The following CNTN1 variants were observed in gnomAD, a reference collection of about 807,000 sequenced individuals.
The protein encoded by CNTN1 is contactin 1.
CNTN1 carries 38 observed loss-of-function variants against 126.4 expected under a neutral mutation model. The observed-to-expected ratio is 0.30, with a 90% CI of 0.23 to 0.39. The LOEUF is 0.39. Among genes scored for constraint, CNTN1 ranks in the 10% least tolerant of loss-of-function variants. CNTN1 has a pLI of 1.00. For synonymous variants in CNTN1, 413 were observed against 422.6 expected, an observed-to-expected ratio of 0.98 and a Z score of 0.28; for missense variants, 1,009 against 1,248.4, an observed-to-expected ratio of 0.81 and a Z score of 2.89.
intron 1 of CNTN1, among the ~76,000 whole-genome samples, chr12:40,840,977 G>A (rs749404929): frequency 6.6e-6 from 1 of 151,450 alleles, no homozygotes; most frequent in Non-Finnish European, 1.5e-5. Context: ...ATGAAATAGA[G>A]ACTAAATAAA....
chr12:41,026,071 A>G lies in CNTN1; in HGVS notation c.2710+735A>G, dbSNP rs555635968. ...CAAGAACTAGAATTTGGTGTCTAACATGTGTTTGAGATCTGTCTCTGCCAC... is the reference window on the plus strand; with the variant it reads ...CAAGAACTAGAATTTGGTGTCTAACGTGTGTTTGAGATCTGTCTCTGCCAC... On this transcript the variant is annotated intron_variant, in intron 21 of 23. Transcript: ENST00000551295. Among the ~76,000 whole-genome samples the G allele has an allele frequency of 1.3e-4, 20 of 152,302 alleles. No individual in the cohort carries two copies. The South Asian group carries it at 3.9e-3, about 30-fold the overall frequency.
At chr12:40,871,911 T>A (rs572950769) in intron 1 of CNTN1, among the ~76,000 whole-genome samples, 1 of 152,010 alleles carries the variant, frequency 6.6e-6, no homozygotes, top group Non-Finnish European at 1.5e-5. Flanking sequence ...TATTGAGTGA[T>A]TTCTAGAAAT....
At chr12:40,847,718 AAGAAGTTGAATTAC>A (rs1178668582) in intron 1 of CNTN1, among the ~76,000 whole-genome samples, 2 of 152,202 alleles carry the variant, frequency 1.3e-5, no homozygotes, top group Non-Finnish European at 2.9e-5. Context: ...ATTCTTGAAT[AAGAAGTTGAATTAC>A]AGCCTGAAGG....
chr12:40,763,721 A>G (rs923685756), intron 1 of CNTN1, among the ~76,000 whole-genome samples: 46 of 152,210 alleles, frequency 3.0e-4, no homozygotes, highest in African/African-American at 9.6e-4. Flanking sequence ...CTTCAGAGCT[A>G]TGTAATATCC....
At chr12:40,713,146 T>A (rs1269202702) in intron 1 of CNTN1, among the ~76,000 whole-genome samples, 1 of 151,986 alleles carries the variant, frequency 6.6e-6, no homozygotes, top group Non-Finnish European at 1.5e-5. Flanking sequence ...TTTGCATTCA[T>A]TTCAAAACCA....
At chr12:40,880,023 T>C (rs1341298982) in intron 1 of CNTN1, among the ~76,000 whole-genome samples, 1 of 152,102 alleles carries the variant, frequency 6.6e-6, no homozygotes, top group East Asian at 1.9e-4. Flanking sequence ...CCAAGAATTT[T>C]AGTGCTAACT....
At chr12:40,970,789 G>C (rs1272880869) in intron 15 of CNTN1, among the ~76,000 whole-genome samples, 3 of 152,068 alleles carry the variant, frequency 2.0e-5, no homozygotes, top group African/African-American at 7.2e-5. Flanking sequence ...TATCCACTTT[G>C]CCTACCTAAC....
rs1174627978 is a variant in CNTN1, at chr12:41,043,893, G to A, written c.2980+14674G>A. Among the ~76,000 whole-genome samples, 7 of 145,648 alleles carry A rather than the reference G, an allele frequency of 4.8e-5. No homozygotes were observed. The East Asian group carries it at 8.2e-4, about 17-fold the overall frequency. The stretch of plus-strand genomic sequence containing the variant: ...AAATCATCATTCTCAGTAAACTATC[G>A]CAAGGACAAAAAACCAAACACCGCA... On this transcript the variant is annotated intron_variant, in intron 23 of 23. Coordinates refer to ENST00000551295, the MANE Select transcript of CNTN1 (RefSeq NM_001843.4).
chr12:40,924,158 C>G (rs1945547609), intron 5 of CNTN1, among the ~76,000 whole-genome samples: 1 of 152,102 alleles, frequency 6.6e-6, no homozygotes. Flanking sequence ...AAATACCCTT[C>G]AAATGAGTCC....
intron 1 of CNTN1, among the ~76,000 whole-genome samples, chr12:40,766,356 T>TAA (rs11381914): frequency 0.013 from 1,753 of 133,756 alleles, 22 homozygotes; most frequent in Middle Eastern, 0.018. Flanking sequence ...AACTCCGTCT[T>TAA]AAAAAAAAAA....
intron 23 of CNTN1, among the ~76,000 whole-genome samples, chr12:41,066,696 T>A (rs1566254428): frequency 1.3e-5 from 2 of 152,198 alleles, no homozygotes; most frequent in Admixed American, 6.5e-5. Flanking sequence ...AAAGGAAGTT[T>A]GTATTAAAAA....
chr12:41,054,658 T>C (rs1323933588), intron 23 of CNTN1, among the ~76,000 whole-genome samples: 1 of 152,068 alleles, frequency 6.6e-6, no homozygotes, highest in African/African-American at 2.4e-5. Context: ...ACAAATAAGG[T>C]ACTTCACATA....
At chr12:40,840,892 A>G (rs1183182202) in intron 1 of CNTN1, among the ~76,000 whole-genome samples, 1 of 151,924 alleles carries the variant, frequency 6.6e-6, no homozygotes. Flanking sequence ...CACAATCTAA[A>G]GGAACTAGAA....
chr12:41,003,456 T>A (rs1041448225), intron 17 of CNTN1, among the ~76,000 whole-genome samples: 20 of 152,276 alleles, frequency 1.3e-4, no homozygotes, highest in Admixed American at 2.0e-4. Flanking sequence ...GATGCTAGTC[T>A]CATAGAATGA....
At chr12:40,884,226 A>T (rs1943959037) in intron 1 of CNTN1, among the ~76,000 whole-genome samples, 2 of 150,368 alleles carry the variant, frequency 1.3e-5, no homozygotes, top group Non-Finnish European at 3.0e-5. Flanking sequence ...TTAATTACCC[A>T]TTTTTTTCTT....
chr12:40,884,723 G>A (rs972608824), intron 1 of CNTN1, among the ~76,000 whole-genome samples: 1 of 151,288 alleles, frequency 6.6e-6, no homozygotes, highest in African/African-American at 2.4e-5. Flanking sequence ...TGTAAGTTTA[G>A]CATGTTCTTT....
At chr12:40,790,472 G>A (rs1450006384) in intron 1 of CNTN1, among the ~76,000 whole-genome samples, 1 of 152,200 alleles carries the variant, frequency 6.6e-6, no homozygotes, top group African/African-American at 2.4e-5. Context: ...TAAATGAATA[G>A]GCACTAGGAA....
chr12:40,884,803 C>A (rs1943976832), intron 1 of CNTN1, among the ~76,000 whole-genome samples: 1 of 151,472 alleles, frequency 6.6e-6, no homozygotes, highest in African/African-American at 2.4e-5. Context: ...ATAGCTATGT[C>A]TGTAATCTTT....
At chr12:40,921,459 A>G (rs1169729537) in intron 4 of CNTN1, among the ~76,000 whole-genome samples, 3 of 152,332 alleles carry the variant, frequency 2.0e-5, no homozygotes, top group East Asian at 1.9e-4. Flanking sequence ...TCTTTTCATC[A>G]TCACATCAGA....
Sources: gnomAD v4.1 joint callset for allele counts (sites outside exome capture counted in the v4.1 genomes callset) on GRCh38, gnomAD v4.1.1 for gene constraint, MANE v1.5 for transcripts, NCBI Gene and HGNC (gene_info 2026-07-23, HGNC 2026-07-21) for gene names.